The following PLCB4 variants were observed in gnomAD, a reference collection of about 807,000 sequenced individuals.
PLCB4 encodes phospholipase C beta 4.
Under a neutral mutation model 178.8 loss-of-function variants are expected in PLCB4, and 77 were observed. That is an observed-to-expected ratio of 0.43 (90% CI 0.36 to 0.52). The LOEUF is 0.52. Among genes scored for constraint, PLCB4 ranks in the 20% least tolerant of loss-of-function variants. The pLI, the probability that PLCB4 is intolerant of heterozygous loss-of-function variation, is 0.00. For synonymous variants in PLCB4, 496 were observed against 490.8 expected, an observed-to-expected ratio of 1.01 and a Z score of -0.14; for missense variants, 1,024 against 1,453.4, an observed-to-expected ratio of 0.70 and a Z score of 4.80.
chr20:9,399,838 A>G (rs1404049781), intron 19 of PLCB4, among the ~76,000 whole-genome samples: 7 of 152,250 alleles, frequency 4.6e-5, no homozygotes, highest in Admixed American at 4.6e-4. Context: ...TGAAAATTTA[A>G]TAGTGACATG....
chr20:9,185,146 T>C (rs2093311737), intron 2 of PLCB4, among the ~76,000 whole-genome samples: 1 of 152,146 alleles, frequency 6.6e-6, no homozygotes, highest in Non-Finnish European at 1.5e-5. Flanking sequence ...TGAAAAATCA[T>C]ACTGCCTTGG....
intron 19 of PLCB4, among the ~76,000 whole-genome samples, chr20:9,396,226 G>A (rs1214491409): frequency 6.6e-6 from 1 of 152,128 alleles, no homozygotes; most frequent in Non-Finnish European, 1.5e-5. Flanking sequence ...AGCAATATAA[G>A]GCACATTTTG....
At chr20:9,240,878 A>G (rs1442380924) in intron 3 of PLCB4, among the ~76,000 whole-genome samples, 1 of 152,184 alleles carries the variant, frequency 6.6e-6, no homozygotes, top group Non-Finnish European at 1.5e-5. Flanking sequence ...CCACTTAGGT[A>G]AACCGTTGTC....
intron 2 of PLCB4, among the ~76,000 whole-genome samples, chr20:9,203,423 A>T (rs373522621): frequency 6.6e-6 from 1 of 152,152 alleles, no homozygotes; most frequent in East Asian, 1.9e-4. Context: ...CTAAAATGAG[A>T]TATTTTTCTC....
chr20:9,077,405 G>A (rs997410264), intron 1 of PLCB4, among the ~76,000 whole-genome samples: 1 of 152,154 alleles, frequency 6.6e-6, no homozygotes, highest in African/African-American at 2.4e-5. Context: ...TGAAATTTGT[G>A]GAACCTCTGA....
intron 4 of PLCB4, among the ~76,000 whole-genome samples, chr20:9,317,037 A>G (rs1357425772): frequency 1.3e-5 from 2 of 152,210 alleles, no homozygotes; most frequent in East Asian, 3.8e-4. Flanking sequence ...TTTAGATTTT[A>G]TGAGTCCTGC....
intron 4 of PLCB4, among the ~76,000 whole-genome samples, chr20:9,320,069 G>C (rs781133048): frequency 6.6e-6 from 1 of 152,152 alleles, no homozygotes; most frequent in Non-Finnish European, 1.5e-5. Context: ...TAAAGTGAAA[G>C]CAAGTTTATT....
At chr20:9,168,775 A>C (rs895115350) in intron 2 of PLCB4, among the ~76,000 whole-genome samples, 2 of 152,170 alleles carry the variant, frequency 1.3e-5, no homozygotes, top group African/African-American at 4.8e-5. Context: ...AGCTGGTGAC[A>C]CTGGCCGCTT....
chr20:9,288,407 T>C (rs1343545237), intron 3 of PLCB4, among the ~76,000 whole-genome samples: 1 of 92,806 alleles, frequency 1.1e-5, no homozygotes, highest in Non-Finnish European at 1.7e-5. Flanking sequence ...CTGTAGTTGC[T>C]TTTTTTTTTT....
intron 2 of PLCB4, among the ~76,000 whole-genome samples, chr20:9,188,133 G>A (rs2093352972): frequency 6.6e-6 from 1 of 152,198 alleles, no homozygotes; most frequent in South Asian, 2.1e-4. Context: ...CCAGGGAGTG[G>A]AGACAGATGA....
chr20:9,209,954 ACT>A (rs1234427345), intron 2 of PLCB4, among the ~76,000 whole-genome samples: 2 of 124,140 alleles, frequency 1.6e-5, no homozygotes, highest in Non-Finnish European at 3.2e-5. Context: ...ACAGAGCAAG[ACT>A]CTGTCTCAAA....
At chr20:9,288,859 A>G (rs748355171) in intron 3 of PLCB4, among the ~76,000 whole-genome samples, 2 of 152,096 alleles carry the variant, frequency 1.3e-5, no homozygotes, top group Non-Finnish European at 2.9e-5. Flanking sequence ...TCCATATTTT[A>G]AGACATTTAC....
chr20:9,449,266 A>G (rs976649), intron 32 of PLCB4, among the ~76,000 whole-genome samples: 32,903 of 152,080 alleles, frequency 0.22, 4,071 homozygotes, highest in East Asian at 0.36. Flanking sequence ...CAATTGTCCA[A>G]TGAGGTCAAT....
intron 7 of PLCB4, among the ~76,000 whole-genome samples, chr20:9,340,329 C>T (rs2148079192): frequency 6.6e-6 from 1 of 152,270 alleles, no homozygotes; most frequent in Middle Eastern, 3.4e-3. Flanking sequence ...TCCAGAAGTA[C>T]AGACCCCTCC....
chr20:9,447,465 C>T (rs559919946), intron 32 of PLCB4, among the ~76,000 whole-genome samples: 1 of 152,252 alleles, frequency 6.6e-6, no homozygotes, highest in South Asian at 2.1e-4. Context: ...GGCTGGGGTC[C>T]TGAGAGACCA....
intron 2 of PLCB4, among the ~76,000 whole-genome samples, chr20:9,146,041 C>A (rs917566520): frequency 6.6e-6 from 1 of 152,066 alleles, no homozygotes; most frequent in Non-Finnish European, 1.5e-5. Flanking sequence ...TTCTAAAGTT[C>A]TTGCAAATTT....
At chr20:9,273,751 C>T (rs1383606643) in intron 3 of PLCB4, among the ~76,000 whole-genome samples, 1 of 148,712 alleles carries the variant, frequency 6.7e-6, no homozygotes, top group African/African-American at 2.5e-5. Flanking sequence ...GATGCTCGAG[C>T]CAGAGTATGT....
At chr20:9,357,368 G>A (rs559137340) in intron 7 of PLCB4, among the ~76,000 whole-genome samples, 10 of 152,256 alleles carry the variant, frequency 6.6e-5, no homozygotes, top group Admixed American at 2.0e-4. Flanking sequence ...GAACACATTT[G>A]TTCAGCCCAG....
At chr20:9,307,111 C>A (rs1172453811) in intron 3 of PLCB4, among the ~76,000 whole-genome samples, 4 of 152,176 alleles carry the variant, frequency 2.6e-5, no homozygotes, top group South Asian at 4.1e-4. Flanking sequence ...AGGGGCCAGA[C>A]TCCTCTCTGC....
Sources: gnomAD v4.1 joint callset for allele counts (sites outside exome capture counted in the v4.1 genomes callset) on GRCh38, gnomAD v4.1.1 for gene constraint, MANE v1.5 for transcripts, NCBI Gene and HGNC (gene_info 2026-07-23, HGNC 2026-07-21) for gene names.